Variants in SDCCAG8 observed in about 807,000 individuals in gnomAD.
SDCCAG8 encodes the protein SHH signaling and ciliogenesis regulator SDCCAG8, also known as serologically defined colon cancer antigen 8.
A neutral mutation model predicts 101.8 loss-of-function variants in SDCCAG8; 74 were observed. The observed-to-expected ratio is 0.73, with a 90% confidence interval of 0.60 to 0.88. The LOEUF (loss-of-function observed/expected upper bound fraction) is 0.88, where lower values mean the gene tolerates loss of function less well. SDCCAG8 is among the 40% of genes least tolerant of loss of function. The pLI, the probability that SDCCAG8 is intolerant of heterozygous loss-of-function variation, is 0.00. For missense variants in SDCCAG8, 787 were observed against 822.6 expected, an observed-to-expected ratio of 0.96 and a Z score of 0.53; for synonymous variants, 281 against 292.9, an observed-to-expected ratio of 0.96 and a Z score of 0.41.
intron 9 of SDCCAG8, among the ~76,000 whole-genome samples, chr1:243,329,014 G>A (rs1045108131): frequency 6.6e-6 from 1 of 152,174 alleles, no homozygotes; most frequent in Non-Finnish European, 1.5e-5. Context: ...CATGATATCA[G>A]GGAGAGTTAT....
At chr1:243,351,908 G>A (rs568655863) in intron 12 of SDCCAG8, among the ~76,000 whole-genome samples, 2 of 152,284 alleles carry the variant, frequency 1.3e-5, no homozygotes, top group South Asian at 4.1e-4. Flanking sequence ...GCATAAAGAA[G>A]CAGTTCCAAA....
chr1:243,409,692 C>T (rs191145968), intron 13 of SDCCAG8, among the ~76,000 whole-genome samples: 345 of 152,180 alleles, frequency 2.3e-3, no homozygotes, highest in Middle Eastern at 0.01. Flanking sequence ...TCCCCCTGGC[C>T]AAATCCAGGA....
At chr1:243,423,823 T>C (rs1176846967) in intron 15 of SDCCAG8, among the ~76,000 whole-genome samples, 2 of 152,130 alleles carry the variant, frequency 1.3e-5, no homozygotes, top group African/African-American at 4.8e-5. Flanking sequence ...ATATCTGGGC[T>C]TGACTACTTG....
intron 16 of SDCCAG8, among the ~76,000 whole-genome samples, chr1:243,454,491 A>T (rs1032129316): frequency 6.6e-6 from 1 of 152,094 alleles, no homozygotes; most frequent in Non-Finnish European, 1.5e-5. Context: ...CTTACCCCAC[A>T]GCCCCCGTGC....
chr1:243,381,081 C>T (rs2077920203), intron 13 of SDCCAG8, among the ~76,000 whole-genome samples: 1 of 151,934 alleles, frequency 6.6e-6, no homozygotes, highest in Non-Finnish European at 1.5e-5. Flanking sequence ...GCAGATAACA[C>T]CTTACCACAC....
chr1:243,277,404 G>A (rs2068667665), intron 4 of SDCCAG8, among the ~76,000 whole-genome samples: 1 of 152,190 alleles, frequency 6.6e-6, no homozygotes, highest in Admixed American at 6.6e-5. Flanking sequence ...ATGATGCTGA[G>A]CATCTTTTCC....
chr1:243,374,860 A>G (rs1378696665), intron 12 of SDCCAG8, among the ~76,000 whole-genome samples: 1 of 152,120 alleles, frequency 6.6e-6, no homozygotes, highest in Non-Finnish European at 1.5e-5. Context: ...AAAAGAACAT[A>G]CACTTTATCT....
At chr1:243,358,795 T>A (rs1341720590) in intron 12 of SDCCAG8, among the ~76,000 whole-genome samples, 1 of 152,206 alleles carries the variant, frequency 6.6e-6, no homozygotes, top group African/African-American at 2.4e-5. Context: ...GAAGTAATGA[T>A]ACATTCTACA....
Position 243,274,547 on chromosome 1 carries a change from C to A in SDCCAG8, c.311C>A (p.Ser104Ter). 1.3e-6 allele frequency: 2 copies of A among 1,548,380 alleles called. No individual in the cohort carries two copies. The highest frequency in any genetic ancestry group is 1.1e-5 in the South Asian group (1 of 88,772). The change falls in exon 4 of 18, where the codon TCA becomes TAA. Residue 104 changes from serine to a stop codon, truncating the protein, a stop_gained. Coordinates refer to ENST00000366541, the MANE Select transcript of SDCCAG8 (RefSeq NM_006642.5). LOFTEE classifies it high-confidence loss of function. ...SRRRKMSPLR[S>*]LEHEETNMPT... The stretch of plus-strand genomic sequence containing the variant: ...TTTATTTATTTTTTGTCATAGAGGT[C>A]ATTAGAACATGAGGAAACCAATATG...
intron 1 of SDCCAG8, among the ~76,000 whole-genome samples, chr1:243,261,858 C>CTTTTTTTTTTTTTTTT (rs371602212): frequency 7.3e-6 from 1 of 136,394 alleles, no homozygotes; most frequent in African/African-American, 2.7e-5. Flanking sequence ...TTTTCTTTTT[C>CTTTTTTTTTTTTTTTT]TTTTTTTTTT....
intron 13 of SDCCAG8, among the ~76,000 whole-genome samples, chr1:243,383,800 A>G (rs933537593): frequency 3.3e-5 from 5 of 152,126 alleles, no homozygotes; most frequent in African/African-American, 4.8e-5. Flanking sequence ...TAGGCTCTCA[A>G]CCTTCCAGTC....
At chr1:243,485,613 C>CA (rs1413665366) in intron 16 of SDCCAG8, among the ~76,000 whole-genome samples, 2 of 152,084 alleles carry the variant, frequency 1.3e-5, no homozygotes, top group Admixed American at 6.6e-5. Flanking sequence ...AAATAACTTT[C>CA]AAAAAATCTC....
intron 16 of SDCCAG8, chr1:243,488,420 G>A (rs1028235122): frequency 6.2e-6 from 1 of 160,492 alleles, no homozygotes; most frequent in Admixed American, 5.8e-5. Flanking sequence ...CAGTTCCATG[G>A]GTGACTGTGC....
intron 16 of SDCCAG8, among the ~76,000 whole-genome samples, chr1:243,484,968 C>T (rs2148243423): frequency 6.6e-6 from 1 of 151,750 alleles, no homozygotes; most frequent in East Asian, 1.9e-4. Context: ...TTCTTGAACC[C>T]AGGAGGCAGA....
chr1:243,346,405 G>A (rs183648853), intron 12 of SDCCAG8: 1 of 152,844 alleles, frequency 6.5e-6, no homozygotes, highest in Admixed American at 6.5e-5. Flanking sequence ...CAGGCTATCT[G>A]TAGGTTTGCA....
chr1:243,269,561 A>C (rs1375891765), intron 1 of SDCCAG8, among the ~76,000 whole-genome samples: 1 of 151,692 alleles, frequency 6.6e-6, no homozygotes, highest in Non-Finnish European at 1.5e-5. Flanking sequence ...CACTATAAGC[A>C]CTTCAGCTAT....
rs1290501091 is a variant in SDCCAG8 at position 243,416,232 on chromosome 1, C to T, written c.1744+403C>T. ...AATGCTCTGAGCTTACAGTTAGAGT[C>T]TCCTGAATAGCATTGAACAGTTCCC... On this transcript the variant is annotated intron_variant, in intron 14 of 17. Transcript: ENST00000366541. The surrounding 1 kb of genome is among the most constrained non-coding windows in gnomAD (Gnocchi z 4.3). Among the ~76,000 whole-genome samples, 2 of 152,158 alleles carry T rather than the reference C, an allele frequency of 1.3e-5. No individual in the cohort carries two copies. The highest frequency in any genetic ancestry group is 2.1e-4 in the South Asian group (1 of 4,834).
At position 243,486,853 on chromosome 1, in the gene SDCCAG8, C is replaced by G. The variant is rs531205847; in HGVS notation, c.1986-2161C>G. Among the ~76,000 whole-genome samples, 3 of 152,356 alleles carry G rather than the reference C, an allele frequency of 2.0e-5. No individual in the cohort carries two copies. The South Asian group carries it at 6.2e-4, about 32-fold the overall frequency. ...CACTTGTCACGTTTCCTGGCACCTT[C>G]TTGCCATGCAGCAATGTCATGATGT... On this transcript the variant is annotated intron_variant, in intron 16 of 17. Transcript: ENST00000366541.
rs1233989381 is a variant in SDCCAG8 at position 243,307,337 on chromosome 1, T to C, written c.741-652T>C. 3 of 915,388 alleles carry C rather than the reference T, an allele frequency of 3.3e-6. No individual in the cohort carries two copies. The African/African-American group carries it at 5.8e-5, about 18-fold the overall frequency. 56.7% of individuals were successfully genotyped at this position (915,388 alleles called of 1,614,324 possible). A position where few individuals can be genotyped will look rare whatever the true frequency, so the allele number is the denominator to read the frequency against. The stretch of plus-strand genomic sequence containing the variant: ...CTGTATGTTTCCAGCTAATAGCTAC[T>C]ACCCCTGAAATCTTATGACTGGCAA... On this transcript the variant is annotated intron_variant, in intron 7 of 17. Coordinates refer to ENST00000366541, the MANE Select transcript of SDCCAG8 (RefSeq NM_006642.5).
Sources: gnomAD v4.1 joint callset for allele counts (sites outside exome capture counted in the v4.1 genomes callset) on GRCh38, gnomAD v4.1.1 for gene constraint, Gnocchi (gnomAD v3.1) non-coding constraint, MANE v1.5 for transcripts, NCBI Gene and HGNC (gene_info 2026-07-23, HGNC 2026-07-21) for gene names.